The following KATNIP variants were observed in gnomAD, a reference collection of about 807,000 sequenced individuals.
The protein encoded by KATNIP is katanin interacting protein.
KATNIP carries 126 observed loss-of-function variants against 174.0 expected under a neutral mutation model. That is an observed-to-expected ratio of 0.72 (90% CI 0.63 to 0.84). KATNIP has a LOEUF of 0.84. Ranked by LOEUF, KATNIP falls within the 40% of genes least tolerant of loss-of-function variation. The pLI is 0.00. For synonymous variants in KATNIP, 810 were observed against 835.7 expected, an observed-to-expected ratio of 0.97 and a Z score of 0.53; for missense variants, 1,958 against 2,109.7, an observed-to-expected ratio of 0.93 and a Z score of 1.41.
At chr16:27,650,786 A>G (rs925942204) in intron 6 of KATNIP, among the ~76,000 whole-genome samples, 2 of 152,268 alleles carry the variant, frequency 1.3e-5, no homozygotes, top group African/African-American at 4.8e-5. Flanking sequence ...TCCCTAAAAC[A>G]GAATATAAAA....
chr16:27,563,891 T>TAAAAA (rs58505514), intron 1 of KATNIP, among the ~76,000 whole-genome samples: 6 of 66,680 alleles, frequency 9.0e-5, no homozygotes, highest in Non-Finnish European at 1.5e-4. Flanking sequence ...TCTAGTAAAT[T>TAAAAA]AAAAAAAAAA....
intron 14 of KATNIP, among the ~76,000 whole-genome samples, chr16:27,736,254 C>A (rs1304390415): frequency 6.6e-6 from 1 of 152,176 alleles, no homozygotes; most frequent in African/African-American, 2.4e-5. Flanking sequence ...CCATCCACCT[C>A]GGCCTACCAA....
At chr16:27,651,782 C>T (rs1189507179) in intron 6 of KATNIP, among the ~76,000 whole-genome samples, 1 of 152,122 alleles carries the variant, frequency 6.6e-6, no homozygotes, top group Non-Finnish European at 1.5e-5. Context: ...TGCAGTGGTG[C>T]GATCTCGGCT....
intron 2 of KATNIP, among the ~76,000 whole-genome samples, chr16:27,577,805 C>T (rs1271296951): frequency 6.6e-5 from 10 of 151,860 alleles, no homozygotes; most frequent in Admixed American, 2.6e-4. Flanking sequence ...CCCAGGAGTT[C>T]GAGGCTGCAA....
intron 5 of KATNIP, 153 bp downstream of exon 5, chr16:27,631,315 G>T: frequency 1.7e-6 from 1 of 592,582 alleles, no homozygotes; most frequent in South Asian, 2.2e-5. Context: ...GAGGTGGGAG[G>T]ATCACTTTGA....
At chr16:27,713,822 A>ATGTGTGTGTGTGTGTGTGTGTG (rs1261504841) in intron 13 of KATNIP, among the ~76,000 whole-genome samples, 1 of 40,772 alleles carries the variant, frequency 2.5e-5, no homozygotes, top group African/African-American at 1.4e-4. Flanking sequence ...ATATATATAT[A>ATGTGTGTGTGTGTGTGTGTGTG]TATATATATA....
chr16:27,728,426 C>A (rs1157734833), intron 14 of KATNIP, among the ~76,000 whole-genome samples: 1 of 152,148 alleles, frequency 6.6e-6, no homozygotes, highest in African/African-American at 2.4e-5. Flanking sequence ...AGAATTCAGC[C>A]TTTATTTATT....
chr16:27,606,881 T>C (rs2075725408), intron 2 of KATNIP, among the ~76,000 whole-genome samples: 1 of 152,074 alleles, frequency 6.6e-6, no homozygotes, highest in Admixed American at 6.6e-5. Context: ...GGCAGATTTT[T>C]CCATGGAACA....
chr16:27,573,866 G>T (rs1420895167), intron 1 of KATNIP, 35 bp from the exon 2 acceptor site: 2 of 1,609,538 alleles, frequency 1.2e-6, no homozygotes, highest in African/African-American at 1.3e-5. Flanking sequence ...TTCTAAAACA[G>T]CCTTAATCTT....
At chr16:27,603,680 A>G (rs1361432077) in intron 2 of KATNIP, among the ~76,000 whole-genome samples, 2 of 151,394 alleles carry the variant, frequency 1.3e-5, no homozygotes, top group African/African-American at 2.4e-5. Context: ...TTTGGGCTCA[A>G]GTGATCTTCC....
At chr16:27,573,211 CTT>C (rs2090370370) in intron 1 of KATNIP, among the ~76,000 whole-genome samples, 1 of 152,166 alleles carries the variant, frequency 6.6e-6, no homozygotes, top group African/African-American at 2.4e-5. Flanking sequence ...TGCAGTGACT[CTT>C]GTTTTATATT....
intron 7 of KATNIP, 160 bp from the exon 8 acceptor site, chr16:27,681,239 C>A: frequency 2.3e-6 from 2 of 875,100 alleles, no homozygotes; most frequent in African/African-American, 1.7e-5. Flanking sequence ...AAACTTGTTT[C>A]GTCGCCTGCA....
At chr16:27,626,964 C>CAAA (rs1195795602) in intron 3 of KATNIP, among the ~76,000 whole-genome samples, 1 of 92,638 alleles carries the variant, frequency 1.1e-5, no homozygotes, top group Non-Finnish European at 2.4e-5. Context: ...GACTCCGTCT[C>CAAA]AAAAAAAAAA....
At position 27,627,082 on chromosome 16, in the gene KATNIP, T is replaced by C. The variant is rs74016102; in HGVS notation, c.141-1579T>C. Reference sequence around the variant, plus strand: ...TGTGAATTTGTGTCATCATTAAAACTGATCTGTAACCCCACAGTCAATACT... The same window carrying C: ...TGTGAATTTGTGTCATCATTAAAACCGATCTGTAACCCCACAGTCAATACT... On this transcript the variant is annotated intron_variant, in intron 3 of 27. Transcript: ENST00000261588. Among the ~76,000 whole-genome samples, 385 of 152,354 alleles carry C rather than the reference T, an allele frequency of 2.5e-3. 2 individuals carry two copies. Among genetic ancestry groups the C allele is most frequent in the African/African-American group, 8.8e-3 (366 of 41,584 alleles).
In KATNIP at chr16:27,677,939, C is replaced by T. The variant is rs771639754; in HGVS notation, c.751C>T (p.Arg251Cys). ...TCACGGGGAACAGGAGACAGAAGGACGCTCTTCTCCAGGCCCAGACACCCT... is the reference window on the plus strand; with the variant it reads ...TCACGGGGAACAGGAGACAGAAGGATGCTCTTCTCCAGGCCCAGACACCCT... ...DVHGEQETEG[R>C]SSPGPDTLVV... The change falls in exon 7 of 28, where the codon CGC becomes TGC. Residue 251 changes from arginine (R) to cysteine (C), a missense_variant. Transcript: ENST00000261588. 3.0e-5 allele frequency: 49 copies of T among 1,614,104 alleles called. No individual in the cohort carries two copies. Among genetic ancestry groups the T allele is most frequent in the Admixed American group, 8.3e-5 (5 of 60,006 alleles).
intron 6 of KATNIP, among the ~76,000 whole-genome samples, chr16:27,666,747 AC>A (rs1334983605): frequency 6.6e-6 from 1 of 152,080 alleles, no homozygotes; most frequent in African/African-American, 2.4e-5. Flanking sequence ...CAGAGTTAGG[AC>A]AGGCATGGTG....
chr16:27,591,603 T>C (rs1193380869), intron 2 of KATNIP, among the ~76,000 whole-genome samples: 4 of 152,164 alleles, frequency 2.6e-5, no homozygotes, highest in Admixed American at 1.3e-4. Context: ...ATAATGATAA[T>C]AATACTTATC....
chr16:27,679,244 GC>G (rs1243890578), intron 7 of KATNIP, among the ~76,000 whole-genome samples: 2 of 152,142 alleles, frequency 1.3e-5, no homozygotes, highest in African/African-American at 4.8e-5. Context: ...TTCTTCTGAG[GC>G]CTTTTCCTTC....
At chr16:27,747,881 A>G (rs1337551122) in intron 15 of KATNIP, among the ~76,000 whole-genome samples, 1 of 152,062 alleles carries the variant, frequency 6.6e-6, no homozygotes, top group African/African-American at 2.4e-5. Flanking sequence ...TCCAGGTAGG[A>G]GAGATTTATG....
Sources: allele counts gnomAD v4.1 joint callset (sites outside exome capture counted in the v4.1 genomes callset), GRCh38; gene constraint gnomAD v4.1.1; transcripts MANE v1.5; gene names NCBI Gene and HGNC (gene_info 2026-07-23, HGNC 2026-07-21).